The following MAN1A2 variants were observed in gnomAD, a reference collection of about 807,000 sequenced individuals.
MAN1A2 encodes mannosidase alpha class 1A member 2, also known as mannosyl-oligosaccharide 1,2-alpha-mannosidase IB.
MAN1A2 carries 26 observed loss-of-function variants against 75.7 expected under a neutral mutation model. The ratio of observed to expected loss-of-function variants is 0.34; its 90% CI spans 0.25 to 0.48. The LOEUF is 0.48. Among genes scored for constraint, MAN1A2 ranks in the 20% least tolerant of loss-of-function variants. The pLI, the probability that MAN1A2 is intolerant of heterozygous loss-of-function variation, is 0.99. For synonymous variants in MAN1A2, 247 were observed against 264.6 expected (o/e 0.93, Z 0.65); for missense variants, 562 against 775.5 (o/e 0.72, Z 3.27).
chr1:117,441,803 C>A (rs1423042969), intron 5 of MAN1A2, among the ~76,000 whole-genome samples: 2 of 152,020 alleles, frequency 1.3e-5, no homozygotes, highest in Non-Finnish European at 2.9e-5. Context: ...TATGATTAAA[C>A]CTTGATGGAA....
At chr1:117,506,679 A>G (rs1352781712) in intron 12 of MAN1A2, among the ~76,000 whole-genome samples, 1 of 151,630 alleles carries the variant, frequency 6.6e-6, no homozygotes. Flanking sequence ...TCTTTTAGAG[A>G]AGAAAGAGTT....
chr1:117,499,907 G>A (rs1407955482), intron 11 of MAN1A2, among the ~76,000 whole-genome samples: 1 of 151,500 alleles, frequency 6.6e-6, no homozygotes, highest in Non-Finnish European at 1.5e-5. Flanking sequence ...TTTTATGAAA[G>A]TATAGCTTAT....
intron 5 of MAN1A2, among the ~76,000 whole-genome samples, chr1:117,424,535 G>T (rs1648303934): frequency 6.6e-6 from 1 of 152,214 alleles, no homozygotes; most frequent in South Asian, 2.1e-4. Flanking sequence ...TAGTCCCAGA[G>T]GGAGAGCTTT....
chr1:117,416,138 G>T (rs1647982089), intron 4 of MAN1A2, among the ~76,000 whole-genome samples: 1 of 151,882 alleles, frequency 6.6e-6, no homozygotes, highest in Non-Finnish European at 1.5e-5. Context: ...TTTAATGTAG[G>T]ATGAAGTAGG....
intron 8 of MAN1A2, among the ~76,000 whole-genome samples, chr1:117,479,426 T>C (rs538511626): frequency 6.6e-6 from 1 of 152,064 alleles, no homozygotes; most frequent in Admixed American, 6.6e-5. Flanking sequence ...TATATCTTCA[T>C]AATAGAATGA....
At chr1:117,394,447 G>A (rs968438083) in intron 1 of MAN1A2, among the ~76,000 whole-genome samples, 12 of 152,172 alleles carry the variant, frequency 7.9e-5, no homozygotes, top group Admixed American at 5.9e-4. Flanking sequence ...CCGTGATAGT[G>A]AGCATCCTTA....
At chr1:117,499,656 A>G in intron 11 of MAN1A2, 102 bp downstream of exon 11, 1 of 831,264 alleles carries the variant, frequency 1.2e-6, no homozygotes, top group Non-Finnish European at 1.7e-6. Flanking sequence ...TAGTATCTGT[A>G]GGGCAGTTTT....
At chr1:117,460,417 A>T in intron 6 of MAN1A2, 72 bp from the exon 7 acceptor site, 1 of 1,025,656 alleles carries the variant, frequency 9.7e-7, no homozygotes, top group Non-Finnish European at 1.5e-6. Context: ...TTTAAAATTT[A>T]CATATTCATT....
chr1:117,433,185 A>G (rs958322146), intron 5 of MAN1A2, among the ~76,000 whole-genome samples: 4 of 152,044 alleles, frequency 2.6e-5, no homozygotes, highest in Non-Finnish European at 5.9e-5. Context: ...AAAAACCTGA[A>G]ATGCTCCAAA....
intron 8 of MAN1A2, among the ~76,000 whole-genome samples, chr1:117,470,557 C>G (rs1003227230): frequency 4.6e-5 from 7 of 151,958 alleles, no homozygotes; most frequent in Non-Finnish European, 8.8e-5. Context: ...AAAATAAATT[C>G]AAATTACTTT....
chr1:117,433,352 A>G (rs1212231156), intron 5 of MAN1A2, among the ~76,000 whole-genome samples: 3 of 152,202 alleles, frequency 2.0e-5, no homozygotes, highest in East Asian at 1.9e-4. Flanking sequence ...AGCATTTCAC[A>G]TAAGAGCTAC....
In MAN1A2 at chr1:117,386,700, G is replaced by A. The variant is rs953979444; in HGVS notation, c.303-15486G>A. On this transcript the variant is annotated intron_variant, in intron 1 of 12. Coordinates refer to ENST00000356554, the MANE Select transcript of MAN1A2 (RefSeq NM_006699.5). Reference sequence around the variant, plus strand: ...TCCAAAAATGTTATTTTTAAACTCTGGCTTTGGCTCGGCTCAGTGGCTCAT... The same window carrying A: ...TCCAAAAATGTTATTTTTAAACTCTAGCTTTGGCTCGGCTCAGTGGCTCAT... Among the ~76,000 whole-genome samples, 3 of 152,084 alleles carry A rather than the reference G, an allele frequency of 2.0e-5. No homozygotes were observed. In the East Asian group the frequency reaches 5.8e-4, roughly 29 times the overall value.
intron 5 of MAN1A2, among the ~76,000 whole-genome samples, chr1:117,430,335 GGGT>G (rs1648586008): frequency 7.9e-6 from 1 of 126,784 alleles, no homozygotes; most frequent in African/African-American, 3.1e-5. Flanking sequence ...CTCCCGGACG[GGGT>G]GGCTGCCGGG....
chr1:117,377,313 G>C (rs1653181789), intron 1 of MAN1A2, among the ~76,000 whole-genome samples: 1 of 152,102 alleles, frequency 6.6e-6, no homozygotes, highest in African/African-American at 2.4e-5. Flanking sequence ...AAAAAGATTG[G>C]TAACACGCTG....
intron 5 of MAN1A2, among the ~76,000 whole-genome samples, chr1:117,437,682 T>A (rs1353897158): frequency 6.6e-6 from 1 of 152,160 alleles, no homozygotes; most frequent in Non-Finnish European, 1.5e-5. Context: ...TATCAGTTTT[T>A]CTACTCTGTA....
At chr1:117,493,476 T>G in intron 9 of MAN1A2, 1 of 384,702 alleles carries the variant, frequency 2.6e-6, no homozygotes, top group Admixed American at 4.3e-5. Context: ...TTAAAGAAAT[T>G]TTTGAAGAAA....
chr1:117,454,708 G>A (rs536254217), intron 6 of MAN1A2, among the ~76,000 whole-genome samples: 2 of 152,242 alleles, frequency 1.3e-5, no homozygotes, highest in South Asian at 4.1e-4. Context: ...AAATATAAAA[G>A]GCTTATTTTT....
At chr1:117,370,315 G>C (rs1365975698) in intron 1 of MAN1A2, among the ~76,000 whole-genome samples, 1 of 152,188 alleles carries the variant, frequency 6.6e-6, no homozygotes, top group African/African-American at 2.4e-5. Context: ...TGGATAGCAA[G>C]TGATACATGT....
chr1:117,369,926 A>G (rs973180932), intron 1 of MAN1A2, among the ~76,000 whole-genome samples: 1 of 152,228 alleles, frequency 6.6e-6, no homozygotes, highest in Non-Finnish European at 1.5e-5. Flanking sequence ...CCACACATTA[A>G]CATTACTTAG....
Sources: allele counts gnomAD v4.1 joint callset (sites outside exome capture counted in the v4.1 genomes callset), GRCh38; gene constraint gnomAD v4.1.1; transcripts MANE v1.5; gene names NCBI Gene and HGNC (gene_info 2026-07-23, HGNC 2026-07-21).